Variants in FABP12 observed in about 807,000 individuals in gnomAD.
FABP12 encodes the protein fatty acid-binding protein 12.
Under a neutral mutation model 13.7 loss-of-function variants are expected in FABP12, and 19 were observed. That is an observed-to-expected ratio of 1.39 (90% CI 0.97 to 2.04). The LOEUF (loss-of-function observed/expected upper bound fraction) is 2.04. Ranked by LOEUF, FABP12 falls within the 30% of genes most tolerant of loss-of-function variation. FABP12 has a pLI of 0.00. For synonymous variants in FABP12, 61 were observed against 57.0 expected (o/e 1.07, Z -0.32); for missense variants, 182 against 164.2 (o/e 1.11, Z -0.59).
At chr8:81,560,729 C>A (rs1809708315) in intron 1 of FABP12, among the ~76,000 whole-genome samples, 1 of 152,194 alleles carries the variant, frequency 6.6e-6, no homozygotes, top group Non-Finnish European at 1.5e-5. Context: ...GAAATATTAT[C>A]TCCATTTTAC....
intron 1 of FABP12, among the ~76,000 whole-genome samples, chr8:81,588,254 G>C (rs759316084): frequency 2.0e-5 from 3 of 152,168 alleles, no homozygotes; most frequent in Non-Finnish European, 4.4e-5. Context: ...GAGCCTTTGG[G>C]CAGAGACTGT....
intron 1 of FABP12, among the ~76,000 whole-genome samples, chr8:81,573,611 C>T (rs1256335993): frequency 2.6e-5 from 4 of 152,098 alleles, no homozygotes; most frequent in South Asian, 2.1e-4. Flanking sequence ...TTGTTTGTGT[C>T]GGCTATGATT....
At chr8:81,590,076 G>A (rs1054786805) in exon 1 of FABP12, among the ~76,000 whole-genome samples, 1 of 152,148 alleles carries the variant, frequency 6.6e-6, no homozygotes, top group Non-Finnish European at 1.5e-5. Context: ...GAAGAGAATT[G>A]AAGTGAACCT....
rs142790429 is a variant in FABP12 at position 81,565,929 on chromosome 8, A to G, written c.-185+24124T>C. On this transcript the variant is annotated intron_variant, in intron 1 of 5. Transcript: ENST00000692030. ...ATAAAATCAACAAACCTTTACTCAG[A>G]CTAAGAAAAAATGGGAGAAGATCCA... Among the ~76,000 whole-genome samples, 239 of 152,106 alleles carry G rather than the reference A, an allele frequency of 1.6e-3. 2 individuals carry two copies. The highest frequency in any genetic ancestry group is 5.6e-3 in the African/African-American group (231 of 41,564).
chr8:81,529,651 G>T (rs1194517816), intron 2 of FABP12, 41 bp from the exon 3 acceptor site: 1 of 1,539,306 alleles, frequency 6.5e-7, no homozygotes, highest in Non-Finnish European at 8.9e-7. Context: ...TTTGCATAAA[G>T]AATTACAAAT....
At chr8:81,529,561 C>A (rs1809006549) in exon 3 of FABP12, 1 of 1,613,794 alleles carries the variant, frequency 6.2e-7, no homozygotes, top group Non-Finnish European at 8.5e-7. Context: ...TACTGATGGT[C>A]ACAGTGGGTT....
At chr8:81,540,403 TA>T (rs1809317358) in intron 1 of FABP12, among the ~76,000 whole-genome samples, 1 of 152,250 alleles carries the variant, frequency 6.6e-6, no homozygotes, top group Non-Finnish European at 1.5e-5. Flanking sequence ...ATCCCCAGTG[TA>T]AAGTCATGCT....
At chr8:81,551,550 A>G (rs1194425702) in intron 1 of FABP12, among the ~76,000 whole-genome samples, 1 of 152,184 alleles carries the variant, frequency 6.6e-6, no homozygotes, top group Non-Finnish European at 1.5e-5. Context: ...TACAATATGA[A>G]AAACTATGTG....
At chr8:81,582,833 A>C (rs570697709) in intron 1 of FABP12, among the ~76,000 whole-genome samples, 1 of 152,350 alleles carries the variant, frequency 6.6e-6, no homozygotes, top group East Asian at 1.9e-4. Context: ...TATTGGATTT[A>C]AACTGAACAT....
At position 81,544,385 on chromosome 8, in the gene FABP12, C is replaced by T. The variant is rs889985840; in HGVS notation, c.-184-4642G>A. ...CCAGCTTCTGGTGGTTCCAGGTTCC[C>T]CTGCTTGTGGCTGGATCACACCAAT... On this transcript the variant is annotated intron_variant, in intron 1 of 5. Transcript: ENST00000692030. 9.9e-5 allele frequency among the ~76,000 whole-genome samples: 15 copies of T among 152,212 alleles called. 1 individual carries two copies. The highest frequency in any genetic ancestry group is 8.5e-4 in the Admixed American group (13 of 15,278).
chr8:81,569,449 A>T (rs1391434926), intron 1 of FABP12, among the ~76,000 whole-genome samples: 1 of 152,212 alleles, frequency 6.6e-6, no homozygotes, highest in Admixed American at 6.5e-5. Context: ...TGGCATCTAG[A>T]AGAAACAGAC....
intron 1 of FABP12, among the ~76,000 whole-genome samples, chr8:81,560,894 C>T (rs909888908): frequency 1.1e-4 from 17 of 152,308 alleles, no homozygotes; most frequent in Middle Eastern, 3.4e-3. Context: ...AAGTAACCTC[C>T]GTGTTGAACT....
intron 1 of FABP12, among the ~76,000 whole-genome samples, chr8:81,573,362 T>C (rs921249634): frequency 6.6e-6 from 1 of 152,212 alleles, no homozygotes; most frequent in Non-Finnish European, 1.5e-5. Context: ...CCTTATAGTA[T>C]AGTTTGAAAT....
intron 1 of FABP12, among the ~76,000 whole-genome samples, chr8:81,555,958 C>G (rs750108389): frequency 6.6e-6 from 1 of 151,716 alleles, no homozygotes; most frequent in Non-Finnish European, 1.5e-5. Flanking sequence ...ATATAGTTTG[C>G]GAGCATGTAG....
At chr8:81,563,590 A>C (rs1461859355) in intron 1 of FABP12, among the ~76,000 whole-genome samples, 1 of 152,230 alleles carries the variant, frequency 6.6e-6, no homozygotes, top group Non-Finnish European at 1.5e-5. Flanking sequence ...GGAGATTGAA[A>C]TCATTAAAAA....
chr8:81,536,219 T>C (rs1322838652), upstream of FABP12, among the ~76,000 whole-genome samples: 1 of 152,198 alleles, frequency 6.6e-6, no homozygotes, highest in East Asian at 1.9e-4. Context: ...CACCAGTGCA[T>C]TCCTGATGGC....
At chr8:81,538,085 T>C (rs1357368223), upstream of FABP12, among the ~76,000 whole-genome samples, 4 of 152,146 alleles carry the variant, frequency 2.6e-5, no homozygotes, top group African/African-American at 9.7e-5. Context: ...GTGTATCACA[T>C]GGCAAGAGCT....
intron 1 of FABP12, among the ~76,000 whole-genome samples, chr8:81,562,011 G>A (rs1809731472): frequency 6.6e-6 from 1 of 152,172 alleles, no homozygotes; most frequent in African/African-American, 2.4e-5. Context: ...ACACCAGGCA[G>A]TACAGCTCCC....
intron 1 of FABP12, among the ~76,000 whole-genome samples, chr8:81,580,809 A>G (rs1051288674): frequency 1.3e-5 from 2 of 149,146 alleles, no homozygotes; most frequent in Non-Finnish European, 3.0e-5. Context: ...TTCTACCCAT[A>G]TTTTTGTTCA....
Sources: allele counts gnomAD v4.1 joint callset (sites outside exome capture counted in the v4.1 genomes callset), GRCh38; gene constraint gnomAD v4.1.1; transcripts MANE v1.5; gene names NCBI Gene and HGNC (gene_info 2026-07-23, HGNC 2026-07-21).